The following BAALC variants were observed in gnomAD, a reference collection of about 807,000 sequenced individuals.
BAALC encodes the protein BAALC binder of MAP3K1 and KLF4, also known as brain and acute leukemia cytoplasmic protein.
Under a neutral mutation model 15.5 loss-of-function variants are expected in BAALC, and 9 were observed. That is an observed-to-expected ratio of 0.58 (90% CI 0.35 to 1.02). The LOEUF (loss-of-function observed/expected upper bound fraction) is 1.02, where lower values mean the gene tolerates loss of function less well. BAALC is among the 50% of genes least tolerant of loss of function. The pLI, the probability that BAALC is intolerant of heterozygous loss-of-function variation, is 0.02. For missense variants in BAALC, 201 were observed against 192.4 expected (o/e 1.04, Z -0.27); for synonymous variants, 80 against 74.6 (o/e 1.07, Z -0.37).
chr8:103,166,649 A>G (rs1025874950), intron 1 of BAALC, among the ~76,000 whole-genome samples: 2 of 152,198 alleles, frequency 1.3e-5, no homozygotes, highest in Admixed American at 6.5e-5. Flanking sequence ...AAACCTCCAG[A>G]ATGCTTAAAT....
chr8:103,143,062 A>T (rs1248429535), intron 1 of BAALC, among the ~76,000 whole-genome samples: 2 of 152,054 alleles, frequency 1.3e-5, no homozygotes, highest in African/African-American at 4.8e-5. Context: ...GGGGAGAGGG[A>T]TATTTCTGAA....
chr8:103,205,498 A>G (rs1049994182), intron 1 of BAALC, among the ~76,000 whole-genome samples: 1 of 152,208 alleles, frequency 6.6e-6, no homozygotes, highest in Admixed American at 6.5e-5. Flanking sequence ...GTGACCCTCA[A>G]AACTAACACG....
chr8:103,173,751 T>C (rs2129952166), intron 1 of BAALC, among the ~76,000 whole-genome samples: 1 of 152,326 alleles, frequency 6.6e-6, no homozygotes, highest in African/African-American at 2.4e-5. Flanking sequence ...ACTTCAATGA[T>C]TCTATGTCTC....
intron 1 of BAALC, among the ~76,000 whole-genome samples, chr8:103,144,712 G>A (rs1391422704): frequency 2.0e-5 from 3 of 152,094 alleles, no homozygotes; most frequent in Admixed American, 6.5e-5. Context: ...TAAAGGACTT[G>A]TACTTTACAT....
chr8:103,177,192 TG>T (rs1811625367), intron 1 of BAALC, among the ~76,000 whole-genome samples: 4 of 97,986 alleles, frequency 4.1e-5, no homozygotes, highest in African/African-American at 1.5e-4. Context: ...GTTGTTGTTT[TG>T]TTTTTTTTTT....
chr8:103,176,112 A>G (rs376316157), intron 1 of BAALC, among the ~76,000 whole-genome samples: 1 of 152,180 alleles, frequency 6.6e-6, no homozygotes, highest in African/African-American at 2.4e-5. Flanking sequence ...GATTTAAAAG[A>G]AAAAAAGGTG....
chr8:103,189,623 C>G (rs1811921503), intron 1 of BAALC, among the ~76,000 whole-genome samples: 1 of 152,182 alleles, frequency 6.6e-6, no homozygotes, highest in Non-Finnish European at 1.5e-5. Context: ...AGGTTGCCCC[C>G]TCACCAGACT....
chr8:103,171,283 AAGAG>A (rs3041493), intron 1 of BAALC, among the ~76,000 whole-genome samples: 17 of 144,952 alleles, frequency 1.2e-4, no homozygotes, highest in South Asian at 4.6e-4. Flanking sequence ...AAAAGAAAGA[AAGAG>A]AGAAGGAAGG....
intron 1 of BAALC, chr8:103,156,937 C>G (rs1294686347): frequency 6.6e-6 from 1 of 152,284 alleles, no homozygotes; most frequent in Non-Finnish European, 1.5e-5. Flanking sequence ...ATCGTTAACA[C>G]GGGGACCCAG....
At chr8:103,187,679 C>T (rs936774693) in intron 1 of BAALC, among the ~76,000 whole-genome samples, 4 of 152,194 alleles carry the variant, frequency 2.6e-5, no homozygotes, top group African/African-American at 9.7e-5. Context: ...GGACAGGACA[C>T]ATGCTCCTCC....
chr8:103,224,311 G>A (rs778421420), intron 2 of BAALC, among the ~76,000 whole-genome samples: 14 of 151,938 alleles, frequency 9.2e-5, no homozygotes, highest in South Asian at 6.3e-4. Flanking sequence ...CAAGGTGAGC[G>A]GGGCACAGCG....
At chr8:103,157,536 G>T (rs971408077) in intron 1 of BAALC, among the ~76,000 whole-genome samples, 1 of 152,122 alleles carries the variant, frequency 6.6e-6, no homozygotes, top group African/African-American at 2.4e-5. Flanking sequence ...GGGCTGTCAT[G>T]GTGGCTCACA....
intron 1 of BAALC, among the ~76,000 whole-genome samples, chr8:103,169,781 AG>A (rs906757754): frequency 1.3e-5 from 2 of 152,226 alleles, no homozygotes; most frequent in Non-Finnish European, 2.9e-5. Context: ...AAGTTTCACC[AG>A]GAAGTTTTTT....
intron 1 of BAALC, among the ~76,000 whole-genome samples, chr8:103,160,440 C>A (rs1364833458): frequency 6.6e-6 from 1 of 152,112 alleles, no homozygotes; most frequent in Non-Finnish European, 1.5e-5. Flanking sequence ...TGTTCCCTGC[C>A]TCCAGACTCT....
chr8:103,219,940 G>A (rs1812641662), intron 2 of BAALC, among the ~76,000 whole-genome samples: 2 of 152,208 alleles, frequency 1.3e-5, no homozygotes, highest in Admixed American at 6.5e-5. Flanking sequence ...CAACGTGCCA[G>A]ACACACTATG....
intron 1 of BAALC, among the ~76,000 whole-genome samples, chr8:103,200,315 A>C (rs1260454885): frequency 6.6e-6 from 1 of 152,226 alleles, no homozygotes; most frequent in Non-Finnish European, 1.5e-5. Flanking sequence ...CTGAAAGATG[A>C]AAATACCTTT....
chr8:103,223,310 AAAACAAAAC>A (rs1812723725), intron 2 of BAALC, among the ~76,000 whole-genome samples: 2 of 146,862 alleles, frequency 1.4e-5, no homozygotes, highest in Non-Finnish European at 3.1e-5. Flanking sequence ...GTCTCAAAAC[AAAACAAAAC>A]AAACAAACAA....
At chr8:103,195,770 T>C (rs1488488457) in intron 1 of BAALC, among the ~76,000 whole-genome samples, 1 of 152,202 alleles carries the variant, frequency 6.6e-6, no homozygotes, top group Non-Finnish European at 1.5e-5. Flanking sequence ...TGGCAGCTTC[T>C]TCCTGCAGTG....
intron 2 of BAALC, among the ~76,000 whole-genome samples, chr8:103,222,557 G>A (rs1231860347): frequency 6.6e-6 from 1 of 152,122 alleles, no homozygotes; most frequent in Non-Finnish European, 1.5e-5. Context: ...CAATTGCAAC[G>A]ACTACCAACC....
Sources: allele counts gnomAD v4.1 joint callset (sites outside exome capture counted in the v4.1 genomes callset), GRCh38; gene constraint gnomAD v4.1.1; transcripts MANE v1.5; gene names NCBI Gene and HGNC (gene_info 2026-07-23, HGNC 2026-07-21).